Variants in WWC2 observed in about 807,000 individuals in gnomAD.
The protein encoded by WWC2 is WW and C2 domain containing 2.
Under a neutral mutation model 138.5 loss-of-function variants are expected in WWC2, and 101 were observed. The ratio of observed to expected loss-of-function variants is 0.73; its 90% CI spans 0.62 to 0.86. WWC2 has a LOEUF of 0.86. Ranked by LOEUF, WWC2 falls within the 40% of genes least tolerant of loss-of-function variation. The pLI is 0.00. For synonymous variants in WWC2, 558 were observed against 538.4 expected (o/e 1.04, Z -0.50); for missense variants, 1,420 against 1,419.4 (o/e 1.00, Z -0.01).
intron 6 of WWC2, 62 bp downstream of exon 6, chr4:183,245,607 A>G: frequency 2.7e-6 from 4 of 1,472,340 alleles, no homozygotes; most frequent in South Asian, 1.4e-5. Context: ...AGAAACTCTT[A>G]CTGGGGCAGA....
At chr4:183,208,409 A>G (rs1383908803) in intron 3 of WWC2, among the ~76,000 whole-genome samples, 1 of 152,260 alleles carries the variant, frequency 6.6e-6, no homozygotes, top group East Asian at 1.9e-4. Context: ...CCTTTTATGC[A>G]TTTACGAGTT....
At chr4:183,283,304 C>T (rs949711850) in intron 18 of WWC2, among the ~76,000 whole-genome samples, 2 of 152,132 alleles carry the variant, frequency 1.3e-5, no homozygotes, top group Admixed American at 6.6e-5. Context: ...TTTGGTTAGG[C>T]GATGCCCTGA....
In WWC2 at chr4:183,269,037, T is replaced by C. The variant is rs748568632; in HGVS notation, c.2274T>C (p.His758=). Residue 758 remains histidine, a synonymous_variant, in exon 15 of 23, where the codon CAT becomes CAC. Transcript: ENST00000403733. ...DVSCLFRTKV[H]PPTESILFND... Reference sequence around the variant, plus strand: ...GCTGTCTGTTTCGCACAAAAGTTCATCCGCCCACAGAATCCATTTTATTCA... The same window carrying C: ...GCTGTCTGTTTCGCACAAAAGTTCACCCGCCCACAGAATCCATTTTATTCA... The C allele has an allele frequency of 1.1e-3, 1,730 of 1,613,826 alleles. 26 individuals carry two copies. Among genetic ancestry groups the C allele is most frequent in the Non-Finnish European group, 5.6e-5 (66 of 1,179,896 alleles).
At chr4:183,142,296 TAACTGCAATAC>T (rs1398414071) in intron 1 of WWC2, among the ~76,000 whole-genome samples, 2 of 152,222 alleles carry the variant, frequency 1.3e-5, no homozygotes, top group Non-Finnish European at 2.9e-5. Flanking sequence ...GGTCCAGATT[TAACTGCAATAC>T]ACATTTTCCT....
At chr4:183,250,216 G>A (rs1433811602) in intron 8 of WWC2, among the ~76,000 whole-genome samples, 1 of 144,762 alleles carries the variant, frequency 6.9e-6, no homozygotes, top group Non-Finnish European at 1.5e-5. Context: ...GAATTAGTGA[G>A]AAGTATACAA....
intron 1 of WWC2, among the ~76,000 whole-genome samples, chr4:183,187,907 G>A (rs1294662118): frequency 6.6e-6 from 1 of 151,762 alleles, no homozygotes; most frequent in Non-Finnish European, 1.5e-5. Context: ...AAAAAAAAGA[G>A]ACCAGAAATA....
At chr4:183,161,524 C>A (rs1449752010) in intron 1 of WWC2, among the ~76,000 whole-genome samples, 1 of 152,100 alleles carries the variant, frequency 6.6e-6, no homozygotes, top group Non-Finnish European at 1.5e-5. Context: ...TTGCAGAATT[C>A]GAATTGAACA....
intron 1 of WWC2, among the ~76,000 whole-genome samples, chr4:183,124,730 C>T (rs1732709542): frequency 6.6e-6 from 1 of 152,008 alleles, no homozygotes; most frequent in Non-Finnish European, 1.5e-5. Context: ...GCTGAGATTA[C>T]AGGCACGCGC....
intron 1 of WWC2, among the ~76,000 whole-genome samples, chr4:183,184,412 G>T (rs928936301): frequency 6.6e-6 from 1 of 151,902 alleles, no homozygotes; most frequent in African/African-American, 2.4e-5. Flanking sequence ...CCACCTTTTG[G>T]CTATTATGAA....
At chr4:183,146,003 T>C (rs1207659429) in intron 1 of WWC2, among the ~76,000 whole-genome samples, 2 of 152,244 alleles carry the variant, frequency 1.3e-5, no homozygotes, top group South Asian at 2.1e-4. Context: ...TTATGACACA[T>C]GTAGAATAAA....
chr4:183,298,653 T>G (rs566304330), intron 21 of WWC2, among the ~76,000 whole-genome samples: 1 of 152,314 alleles, frequency 6.6e-6, no homozygotes, highest in South Asian at 2.1e-4. Context: ...TACCTGTGGC[T>G]TATGTTTTTC....
intron 4 of WWC2, among the ~76,000 whole-genome samples, chr4:183,239,160 C>A (rs1350344082): frequency 6.6e-6 from 1 of 152,026 alleles, no homozygotes; most frequent in African/African-American, 2.4e-5. Context: ...ACTAAAAACA[C>A]AAAAACTAGC....
At chr4:183,149,617 T>C (rs544328667) in intron 1 of WWC2, among the ~76,000 whole-genome samples, 64 of 142,854 alleles carry the variant, frequency 4.5e-4, no homozygotes, top group African/African-American at 1.6e-3. Flanking sequence ...AGTGAAACTC[T>C]GTCTAAAAAA....
intron 1 of WWC2, among the ~76,000 whole-genome samples, chr4:183,118,888 A>C (rs1732508587): frequency 1.3e-5 from 2 of 152,024 alleles, no homozygotes; most frequent in Non-Finnish European, 1.5e-5. Context: ...TTTGCATAGA[A>C]GGGTCATGAT....
At chr4:183,142,742 C>T (rs2111098903) in intron 1 of WWC2, among the ~76,000 whole-genome samples, 1 of 152,316 alleles carries the variant, frequency 6.6e-6, no homozygotes, top group South Asian at 2.1e-4. Context: ...GTATGAGAAG[C>T]CCTGGACTAG....
chr4:183,181,411 G>A (rs1200391344), intron 1 of WWC2, among the ~76,000 whole-genome samples: 1 of 152,186 alleles, frequency 6.6e-6, no homozygotes, highest in African/African-American at 2.4e-5. Flanking sequence ...ACAAGAAAAT[G>A]TTGACTTGCT....
At chr4:183,144,729 CATT>C (rs1733401458) in intron 1 of WWC2, among the ~76,000 whole-genome samples, 1 of 152,134 alleles carries the variant, frequency 6.6e-6, no homozygotes, top group South Asian at 2.1e-4. Context: ...TTTTCATACT[CATT>C]GTTTATAACA....
chr4:183,111,971 T>C (rs1422284268), intron 1 of WWC2, among the ~76,000 whole-genome samples: 1 of 152,204 alleles, frequency 6.6e-6, no homozygotes, highest in Non-Finnish European at 1.5e-5. Context: ...GTGCTGGGAT[T>C]ACAGGCGTGA....
In WWC2 at chr4:183,240,789, G is replaced by T. The variant is rs1328148734; in HGVS notation, c.602+527G>T. ...ATTATTAGCAAAGGAGCGGGAGTGC[G>T]CTCCTCACTTCCTGGTTCCTCTACC... On this transcript the variant is annotated intron_variant, in intron 5 of 22. Coordinates refer to ENST00000403733, the MANE Select transcript of WWC2 (RefSeq NM_024949.6). Among the ~76,000 whole-genome samples the T allele has an allele frequency of 5.9e-4, 90 of 152,152 alleles. 1 individual carries two copies. Among genetic ancestry groups the T allele is most frequent in the Non-Finnish European group, 7.4e-5 (5 of 68,026 alleles).
Sources: gnomAD v4.1 joint callset for allele counts (sites outside exome capture counted in the v4.1 genomes callset) on GRCh38, gnomAD v4.1.1 for gene constraint, MANE v1.5 for transcripts, NCBI Gene and HGNC (gene_info 2026-07-23, HGNC 2026-07-21) for gene names.